The following SPTBN1 variants were observed in gnomAD, a reference collection of about 807,000 sequenced individuals.
The protein encoded by SPTBN1 is spectrin beta, non-erythrocytic 1.
In SPTBN1, 32 loss-of-function variants were observed where a neutral mutation model predicts 266.4. That is an observed-to-expected ratio of 0.12 (90% CI 0.09 to 0.16). The LOEUF is 0.16. SPTBN1 is among the 10% of genes least tolerant of loss of function. SPTBN1 has a pLI of 1.00. For synonymous variants in SPTBN1, 1,336 were observed against 1,162.2 expected, an observed-to-expected ratio of 1.15 and a Z score of -3.04; for missense variants, 2,296 against 3,067.1, an observed-to-expected ratio of 0.75 and a Z score of 5.94.
chr2:54,500,777 A>AG (rs1245109837), intron 1 of SPTBN1, among the ~76,000 whole-genome samples: 1 of 152,132 alleles, frequency 6.6e-6, no homozygotes, highest in Non-Finnish European at 1.5e-5. Context: ...GCCTCAAGGG[A>AG]TCTGCCTGCC....
intron 2 of SPTBN1, among the ~76,000 whole-genome samples, chr2:54,593,866 C>T (rs1228555616): frequency 9.2e-6 from 1 of 108,226 alleles, no homozygotes; most frequent in African/African-American, 3.5e-5. Flanking sequence ...AGAGTCTTAA[C>T]GCTGTCGCCC....
chr2:54,536,188 G>A (rs1206685091), intron 2 of SPTBN1, among the ~76,000 whole-genome samples: 3 of 152,144 alleles, frequency 2.0e-5, no homozygotes, highest in African/African-American at 7.2e-5. Flanking sequence ...CTACCAAAGT[G>A]GACCTGTGAG....
rs771401557 is a variant in SPTBN1 at position 54,668,578 on chromosome 2, C to A, written c.*9C>A. 6.9e-6 allele frequency: 11 copies of A among 1,598,230 alleles called. No individual in the cohort carries two copies. The highest frequency in any genetic ancestry group is 3.5e-5 in the Admixed American group (2 of 57,620). ...TTGGCAAAAAGAAATGAACTCCTTT[C>A]CTTCACCTCCTGCCCTTCTCTTACC... On this transcript the variant is annotated 3_prime_UTR_variant, in exon 36 of 36. Transcript: ENST00000356805.
intron 3 of SPTBN1, 109 bp downstream of exon 3, chr2:54,599,352 T>C: frequency 7.4e-7 from 1 of 1,349,194 alleles, no homozygotes; most frequent in East Asian, 2.3e-5. Flanking sequence ...TTGATAGTTT[T>C]GAGGAGAATC....
At chr2:54,529,852 CAAAAAAAAAAAAAAAAAAAA>C in intron 2 of SPTBN1, 2 of 59,040 alleles carry the variant, frequency 3.4e-5, no homozygotes, top group East Asian at 7.0e-4. Flanking sequence ...CTCTTTTCAC[CAAAAAAAAAAAAAAAAAAAA>C]AAAAAAAAAA....
In SPTBN1 at chr2:54,628,917, C is replaced by T. The variant is rs556314077; in HGVS notation, c.1799-16C>T. The stretch of plus-strand genomic sequence containing the variant: ...GCTCCCTCACACAGCCACGTTCCTT[C>T]CTTGATGTTAAACAGGTTACAAGCC... On this transcript the variant is annotated splice_polypyrimidine_tract_variant and intron_variant, in intron 13 of 35. Transcript: ENST00000356805. This position sits in a 1 kb window ranked among gnomAD's most constrained non-coding sequence, Gnocchi z 4.3. 5 of 1,565,502 alleles carry T rather than the reference C, an allele frequency of 3.2e-6. No homozygotes were observed. The South Asian group carries it at 4.8e-5, about 15-fold the overall frequency.
Position 54,646,528 on chromosome 2 carries a change from C to G in SPTBN1, c.4866+53C>G. Reference sequence around the variant, plus strand: ...CCCAGGAGAGCCTCAGATTCAAACCCTGGGCACACTTTCTGCTGGCGGCTC... The same window carrying G: ...CCCAGGAGAGCCTCAGATTCAAACCGTGGGCACACTTTCTGCTGGCGGCTC... On this transcript the variant is annotated intron_variant, in intron 23 of 35. Transcript: ENST00000356805. The surrounding 1 kb of genome is among the most constrained non-coding windows in gnomAD (Gnocchi z 4.4). 7.0e-7 allele frequency: 1 copy of G among 1,437,792 alleles called. No homozygotes were observed. The highest frequency in any genetic ancestry group is 9.1e-7 in the Non-Finnish European group (1 of 1,095,150). 89.1% of individuals were successfully genotyped at this position (1,437,792 alleles called of 1,614,324 possible). A position where few individuals can be genotyped will look rare whatever the true frequency, so the allele number is the denominator to read the frequency against.
chr2:54,501,417 C>A (rs1669263961), intron 1 of SPTBN1, among the ~76,000 whole-genome samples: 1 of 152,218 alleles, frequency 6.6e-6, no homozygotes, highest in African/African-American at 2.4e-5. Context: ...CTGGTCACTT[C>A]TGCATATTGT....
intron 1 of SPTBN1, among the ~76,000 whole-genome samples, chr2:54,521,388 G>A (rs375057634): frequency 2.0e-5 from 3 of 152,224 alleles, no homozygotes; most frequent in African/African-American, 7.2e-5. Flanking sequence ...TTCTATCACT[G>A]TAAATACTCA....
At chr2:54,652,815 A>G (rs1370022925) in intron 26 of SPTBN1, 1 of 151,852 alleles carries the variant, frequency 6.6e-6, no homozygotes, top group Non-Finnish European at 1.5e-5. Context: ...ACCCATTTGC[A>G]TTTCCTGCTT....
intron 2 of SPTBN1, among the ~76,000 whole-genome samples, chr2:54,593,323 G>A (rs1675811871): frequency 6.6e-6 from 1 of 152,102 alleles, no homozygotes; most frequent in African/African-American, 2.4e-5. Flanking sequence ...CCATTGTTAG[G>A]AGCCCTTCTT....
intron 1 of SPTBN1, among the ~76,000 whole-genome samples, chr2:54,504,477 A>G (rs942428213): frequency 6.6e-5 from 10 of 152,194 alleles, no homozygotes; most frequent in South Asian, 2.1e-4. Context: ...AATATTTGGG[A>G]AAAAAAATCC....
intron 32 of SPTBN1, 152 bp downstream of exon 32, chr2:54,660,151 C>T (rs949796349): frequency 1.4e-5 from 22 of 1,542,568 alleles, no homozygotes; most frequent in Non-Finnish European, 1.8e-5. Context: ...TTTTGGCTTC[C>T]ACTTCACCCA....
intron 2 of SPTBN1, among the ~76,000 whole-genome samples, chr2:54,567,086 T>G (rs2104502305): frequency 6.6e-6 from 1 of 152,356 alleles, no homozygotes; most frequent in African/African-American, 2.4e-5. Context: ...TGGGTGTGTT[T>G]CAGCTGTGCT....
At chr2:54,488,678 C>T (rs1668533554) in intron 1 of SPTBN1, among the ~76,000 whole-genome samples, 1 of 151,946 alleles carries the variant, frequency 6.6e-6, no homozygotes, top group African/African-American at 2.4e-5. Flanking sequence ...CTCCCTTCAC[C>T]ATAAAAAAAG....
At chr2:54,507,926 A>AGT (rs946741177) in intron 1 of SPTBN1, among the ~76,000 whole-genome samples, 1 of 151,982 alleles carries the variant, frequency 6.6e-6, no homozygotes, top group African/African-American at 2.4e-5. Flanking sequence ...TGAGATTGAT[A>AGT]GTGTGATAGA....
chr2:54,571,126 T>TG (rs1258343716), intron 2 of SPTBN1, among the ~76,000 whole-genome samples: 2 of 151,798 alleles, frequency 1.3e-5, no homozygotes, highest in Non-Finnish European at 2.9e-5. Context: ...TGAAGAGTGG[T>TG]GGGGGTGGTC....
intron 1 of SPTBN1, among the ~76,000 whole-genome samples, chr2:54,478,307 A>T (rs1573230182): frequency 6.6e-6 from 1 of 152,038 alleles, no homozygotes; most frequent in Non-Finnish European, 1.5e-5. Context: ...GCCTTGGAGT[A>T]AGTCTGCCTT....
intron 18 of SPTBN1, 48 bp from the exon 19 acceptor site, chr2:54,642,935 G>A: frequency 6.3e-7 from 1 of 1,585,340 alleles, no homozygotes; most frequent in Non-Finnish European, 8.6e-7. Flanking sequence ...CGGAAAAAAG[G>A]CTGATGTCTA....
Sources: allele counts gnomAD v4.1 joint callset (sites outside exome capture counted in the v4.1 genomes callset), GRCh38; gene constraint gnomAD v4.1.1; non-coding constraint Gnocchi (gnomAD v3.1); transcripts MANE v1.5; gene names NCBI Gene and HGNC (gene_info 2026-07-23, HGNC 2026-07-21).